NYAP2: variants seen among roughly 807,000 people sequenced by gnomAD.
NYAP2 encodes the protein neuronal tyrosine-phosphorylated phosphoinositide-3-kinase adaptor 2.
Under a neutral mutation model 50.4 loss-of-function variants are expected in NYAP2, and 23 were observed. That is an observed-to-expected ratio of 0.46 (90% CI 0.33 to 0.65). The LOEUF (loss-of-function observed/expected upper bound fraction) is 0.65. Ranked by LOEUF, NYAP2 falls within the 30% of genes least tolerant of loss-of-function variation. NYAP2 has a pLI of 0.02. For missense variants in NYAP2, 885 were observed against 861.0 expected, an observed-to-expected ratio of 1.03 and a Z score of -0.35; for synonymous variants, 394 against 365.2, an observed-to-expected ratio of 1.08 and a Z score of -0.90.
intron 3 of NYAP2, among the ~76,000 whole-genome samples, chr2:225,483,139 T>G (rs2106166331): frequency 6.6e-6 from 1 of 152,310 alleles, no homozygotes; most frequent in East Asian, 1.9e-4. Flanking sequence ...CATCTATATA[T>G]TATAACACTG....
chr2:225,496,601 G>T (rs1690510067), intron 3 of NYAP2, among the ~76,000 whole-genome samples: 1 of 152,142 alleles, frequency 6.6e-6, no homozygotes, highest in African/African-American at 2.4e-5. Context: ...AAGCCCCACA[G>T]AAAACCTTTG....
At chr2:225,482,037 G>A (rs946542678) in intron 3 of NYAP2, among the ~76,000 whole-genome samples, 60 of 152,228 alleles carry the variant, frequency 3.9e-4, no homozygotes, top group Non-Finnish European at 1.3e-4. Context: ...ATACTGTAAT[G>A]AGAGTAGAAT....
At chr2:225,631,647 C>T (rs887296697) in intron 6 of NYAP2, among the ~76,000 whole-genome samples, 3 of 152,066 alleles carry the variant, frequency 2.0e-5, no homozygotes, top group Non-Finnish European at 4.4e-5. Flanking sequence ...TACTACTTTT[C>T]AGGAAAGAAA....
At position 225,423,850 on chromosome 2, in the gene NYAP2, G is replaced by C. The variant is rs16866590; in HGVS notation, c.221+14749G>C. 2.4e-4 allele frequency among the ~76,000 whole-genome samples: 37 copies of C among 152,230 alleles called. No homozygotes were observed. In the East Asian group the frequency reaches 7.2e-3, roughly 29 times the overall value. On this transcript the variant is annotated intron_variant, in intron 3 of 6. Coordinates refer to ENST00000636099, the Ensembl canonical transcript of NYAP2. The stretch of plus-strand genomic sequence containing the variant: ...TAGTACATAATAGATACATTCACTA[G>C]TTTCAACTCCTTGAGCAGTCAATTT...
intron 4 of NYAP2, 39 bp downstream of exon 4, chr2:225,513,711 T>C (rs748614335): frequency 1.4e-6 from 2 of 1,467,324 alleles, no homozygotes; most frequent in African/African-American, 1.4e-5. Flanking sequence ...GAAATCTCTT[T>C]CAGATAGTAT....
the NYAP2 span, among the ~76,000 whole-genome samples, chr2:225,687,773 T>A: frequency 6.6e-6 from 1 of 152,166 alleles, no homozygotes; most frequent in South Asian, 2.1e-4. Context: ...AAAATCTCAA[T>A]TGATTCTTTA....
chr2:225,401,524 C>T (rs1373735855), intron 2 of NYAP2, among the ~76,000 whole-genome samples: 2 of 151,924 alleles, frequency 1.3e-5, no homozygotes, highest in Non-Finnish European at 2.9e-5. Flanking sequence ...ACAGCAAAGC[C>T]GACACTGCTT....
intron 3 of NYAP2, among the ~76,000 whole-genome samples, chr2:225,430,051 T>C (rs1238414281): frequency 6.6e-6 from 1 of 152,232 alleles, no homozygotes; most frequent in African/African-American, 2.4e-5. Flanking sequence ...TGCAACTCTC[T>C]GCTTTTTTAA....
At chr2:225,698,399 A>C in the NYAP2 span, 1 of 152,350 alleles carries the variant, frequency 6.6e-6, no homozygotes, top group Admixed American at 6.6e-5. Context: ...AAGGAAATAA[A>C]GGCTAGACAG....
intron 3 of NYAP2, 99 bp from the exon 4 acceptor site, chr2:225,513,272 G>T: frequency 9.3e-7 from 1 of 1,069,980 alleles, no homozygotes; most frequent in South Asian, 1.6e-5. Context: ...CTAAAATGAA[G>T]ATTTGAAATT....
Position 225,582,395 on chromosome 2 carries a change from C to T in NYAP2, c.978C>T (p.Phe326=), listed in dbSNP as rs1382974404. 6.2e-7 allele frequency: 1 copy of T among 1,607,800 alleles called. No homozygotes were observed. The highest frequency in any genetic ancestry group is 8.5e-7 in the Non-Finnish European group (1 of 1,175,478). Residue 326 remains phenylalanine, a synonymous_variant, in exon 5 of 7, where the codon TTC becomes TTT. Coordinates refer to ENST00000636099, the Ensembl canonical transcript of NYAP2. The surrounding 1 kb of genome is among the most constrained non-coding windows in gnomAD (Gnocchi z 7.0). ...TGCTTTGCGACATCCCTCCGCCCTT[C>T]CCCAACCTGCTTTCTCACAGACCCC...
chr2:225,507,290 G>A (rs1000608355), intron 3 of NYAP2, among the ~76,000 whole-genome samples: 1 of 152,156 alleles, frequency 6.6e-6, no homozygotes, highest in Non-Finnish European at 1.5e-5. Flanking sequence ...CAACACCCCT[G>A]TCACTTTTGA....
intron 3 of NYAP2, among the ~76,000 whole-genome samples, chr2:225,469,114 T>C (rs187558688): frequency 6.6e-6 from 1 of 152,092 alleles, no homozygotes; most frequent in East Asian, 1.9e-4. Flanking sequence ...TAGCAATCTA[T>C]CCGTCTGACA....
At chr2:225,667,992 A>G in the NYAP2 span, among the ~76,000 whole-genome samples, 2 of 152,184 alleles carry the variant, frequency 1.3e-5, no homozygotes, top group South Asian at 4.1e-4. Flanking sequence ...ATAATTCACT[A>G]CTACCTACTA....
chr2:225,435,056 C>T (rs185111150), intron 3 of NYAP2, among the ~76,000 whole-genome samples: 198 of 152,274 alleles, frequency 1.3e-3, no homozygotes, highest in African/African-American at 4.6e-3. Context: ...CATGGTACTA[C>T]TCTTCCTGCA....
intron 6 of NYAP2, among the ~76,000 whole-genome samples, chr2:225,640,440 A>C (rs1441043840): frequency 6.6e-6 from 1 of 152,210 alleles, no homozygotes; most frequent in Non-Finnish European, 1.5e-5. Context: ...TGACAAAAGG[A>C]TGACCCCTGC....
chr2:225,512,852 T>TCTTTCTTCCTTCCTTCCTTC (rs1690852431), intron 3 of NYAP2, among the ~76,000 whole-genome samples: 2 of 123,670 alleles, frequency 1.6e-5, no homozygotes, highest in African/African-American at 6.6e-5. Context: ...TTTCTTTCTT[T>TCTTTCTTCCTTCCTTCCTTC]CTTCCTTCCT....
chr2:225,418,040 G>C (rs1273560946), intron 3 of NYAP2, among the ~76,000 whole-genome samples: 2 of 152,098 alleles, frequency 1.3e-5, no homozygotes, highest in African/African-American at 4.8e-5. Flanking sequence ...TGAGGGTCAG[G>C]GGTATGGGGA....
chr2:225,626,560 T>C (rs1693213158), intron 5 of NYAP2, among the ~76,000 whole-genome samples: 1 of 152,144 alleles, frequency 6.6e-6, no homozygotes, highest in Non-Finnish European at 1.5e-5. Context: ...CAGGAGCAGA[T>C]TGGATAGCGT....
Sources: allele counts gnomAD v4.1 joint callset (sites outside exome capture counted in the v4.1 genomes callset), GRCh38; gene constraint gnomAD v4.1.1; non-coding constraint Gnocchi (gnomAD v3.1); transcripts MANE v1.5; gene names NCBI Gene and HGNC (gene_info 2026-07-23, HGNC 2026-07-21).